CDK5RAP2: variants seen among roughly 807,000 people sequenced by gnomAD.
CDK5RAP2 encodes CDK5 regulatory subunit-associated protein 2.
In CDK5RAP2, 147 loss-of-function variants were observed where a neutral mutation model predicts 232.9. That is an observed-to-expected ratio of 0.63 (90% confidence interval 0.55 to 0.72). The LOEUF (loss-of-function observed/expected upper bound fraction) is 0.72. CDK5RAP2 is among the 30% of genes least tolerant of loss of function. The pLI is 0.00. For synonymous variants in CDK5RAP2, 833 were observed against 833.7 expected (o/e 1.00, Z 0.01); for missense variants, 2,195 against 2,231.5 (o/e 0.98, Z 0.33).
chr9:120,443,911 TA>T (rs1242130162), intron 22 of CDK5RAP2, among the ~76,000 whole-genome samples, 169 bp from the exon 23 acceptor site: 1 of 152,020 alleles, frequency 6.6e-6, no homozygotes, highest in African/African-American at 2.4e-5. Flanking sequence ...TAACAGGACA[TA>T]AAAAGCATAA....
chr9:120,460,839 T>C (rs1376988075), intron 18 of CDK5RAP2, 172 bp from the exon 19 acceptor site: 14 of 1,121,428 alleles, frequency 1.2e-5, no homozygotes, highest in African/African-American at 1.6e-5. Flanking sequence ...AAGGTTAGAG[T>C]TGCTAGTTGT....
intron 1 of CDK5RAP2, among the ~76,000 whole-genome samples, chr9:120,572,756 C>T (rs779280711): frequency 6.6e-5 from 10 of 152,310 alleles, no homozygotes; most frequent in Admixed American, 2.6e-4. Flanking sequence ...AGTACAGCAG[C>T]TACCTCACAG....
chr9:120,424,396 C>A (rs2131390686), intron 25 of CDK5RAP2, among the ~76,000 whole-genome samples: 1 of 152,332 alleles, frequency 6.6e-6, no homozygotes, highest in Non-Finnish European at 1.5e-5. Context: ...CCTCTACAAT[C>A]CTCTTCAAGG....
intron 21 of CDK5RAP2, among the ~76,000 whole-genome samples, chr9:120,453,053 G>C (rs1181470334): frequency 1.3e-5 from 2 of 152,194 alleles, no homozygotes; most frequent in African/African-American, 2.4e-5. Context: ...AATGAAAACT[G>C]TATAAATTTT....
At chr9:120,496,588 C>T (rs2039264078) in intron 12 of CDK5RAP2, among the ~76,000 whole-genome samples, 2 of 150,920 alleles carry the variant, frequency 1.3e-5, no homozygotes, top group African/African-American at 2.4e-5. Flanking sequence ...TCCGGCCAGC[C>T]GCCCCGTCCG....
chr9:120,405,243 G>C (rs2033353686), intron 32 of CDK5RAP2, among the ~76,000 whole-genome samples: 2 of 152,232 alleles, frequency 1.3e-5, no homozygotes, highest in Admixed American at 6.5e-5. Flanking sequence ...ATACAGACCT[G>C]AGAAGTCTTT....
chr9:120,564,489 C>CA (rs375788422), intron 3 of CDK5RAP2, among the ~76,000 whole-genome samples: 4,316 of 37,122 alleles, frequency 0.12, 377 homozygotes, highest in African/African-American at 0.23. Context: ...GACTCTGTCT[C>CA]AAAAAAATAA....
chr9:120,474,344 C>A (rs1037427186), intron 15 of CDK5RAP2, among the ~76,000 whole-genome samples: 3 of 152,136 alleles, frequency 2.0e-5, no homozygotes, highest in Non-Finnish European at 4.4e-5. Flanking sequence ...TTGCCCCCAC[C>A]CGCCAGGGGA....
intron 5 of CDK5RAP2, among the ~76,000 whole-genome samples, chr9:120,545,388 C>T (rs2041799829): frequency 6.6e-6 from 1 of 152,116 alleles, no homozygotes. Flanking sequence ...TGGTAGTTAT[C>T]TTTAGGGGAG....
At chr9:120,451,324 T>C (rs2036467931) in intron 21 of CDK5RAP2, among the ~76,000 whole-genome samples, 1 of 152,186 alleles carries the variant, frequency 6.6e-6, no homozygotes, top group Non-Finnish European at 1.5e-5. Context: ...ACTAGACACT[T>C]GCCAAAGGCT....
intron 3 of CDK5RAP2, among the ~76,000 whole-genome samples, chr9:120,565,410 C>A (rs1002664719): frequency 6.6e-6 from 1 of 152,174 alleles, no homozygotes; most frequent in Non-Finnish European, 1.5e-5. Flanking sequence ...TAGTCACCAG[C>A]CTGGTAAGCT....
At chr9:120,475,819 A>G (rs1410658439) in intron 15 of CDK5RAP2, among the ~76,000 whole-genome samples, 1 of 152,138 alleles carries the variant, frequency 6.6e-6, no homozygotes, top group African/African-American at 2.4e-5. Context: ...CCAAATGCCT[A>G]CTCTGTACCA....
intron 3 of CDK5RAP2, among the ~76,000 whole-genome samples, chr9:120,556,784 A>T (rs1370292078): frequency 6.6e-6 from 1 of 152,166 alleles, no homozygotes; most frequent in Non-Finnish European, 1.5e-5. Context: ...TTTCACATTA[A>T]GTATATTTTG....
intron 15 of CDK5RAP2, among the ~76,000 whole-genome samples, chr9:120,473,416 C>A (rs900612778): frequency 6.6e-6 from 1 of 152,180 alleles, no homozygotes; most frequent in Non-Finnish European, 1.5e-5. Context: ...GGATCAATAG[C>A]CCCCGAATGG....
At position 120,389,140 on chromosome 9, in the gene CDK5RAP2, C is replaced by T; in HGVS notation, c.*96G>A. 2.0e-6 allele frequency: 2 copies of T among 1,023,466 alleles called. No individual in the cohort carries two copies. Among genetic ancestry groups the T allele is most frequent in the South Asian group, 1.4e-5 (1 of 71,682 alleles). The allele number at this position is 1,023,466 out of a possible 1,614,324, so 63.4% of individuals were successfully genotyped here. A position where few individuals can be genotyped will look rare whatever the true frequency, so the allele number is the denominator to read the frequency against. ...AAATAGATTTCCTTTGGCCAGACAGCTCTTTCTTCCTCAATAAATAGGAAC... is the reference window on the plus strand; with the variant it reads ...AAATAGATTTCCTTTGGCCAGACAGTTCTTTCTTCCTCAATAAATAGGAAC... On this transcript the variant is annotated 3_prime_UTR_variant, in exon 38 of 38. Coordinates refer to ENST00000349780, the MANE Select transcript of CDK5RAP2 (RefSeq NM_018249.6).
At chr9:120,553,864 G>A (rs141402925) in intron 3 of CDK5RAP2, among the ~76,000 whole-genome samples, 105 of 152,252 alleles carry the variant, frequency 6.9e-4, no homozygotes, top group African/African-American at 2.4e-3. Context: ...TAGGCTCAAG[G>A]ATTCCTCTCA....
At chr9:120,509,176 C>T (rs1466994537) in intron 12 of CDK5RAP2, among the ~76,000 whole-genome samples, 1 of 152,204 alleles carries the variant, frequency 6.6e-6, no homozygotes, top group Non-Finnish European at 1.5e-5. Context: ...AACAGACAAG[C>T]ACTTTCTTCA....
chr9:120,557,735 G>A (rs1228271894), intron 3 of CDK5RAP2, among the ~76,000 whole-genome samples: 3 of 149,456 alleles, frequency 2.0e-5, no homozygotes, highest in East Asian at 2.0e-4. Context: ...CTCCAGCCTG[G>A]GTGACAGAGT....
intron 24 of CDK5RAP2, among the ~76,000 whole-genome samples, chr9:120,437,853 C>T (rs1362608781): frequency 6.6e-6 from 1 of 152,036 alleles, no homozygotes; most frequent in Non-Finnish European, 1.5e-5. Flanking sequence ...AACAAGTGCC[C>T]CAAGGGTCAG....
Sources: allele counts gnomAD v4.1 joint callset (sites outside exome capture counted in the v4.1 genomes callset), GRCh38; gene constraint gnomAD v4.1.1; transcripts MANE v1.5; gene names NCBI Gene and HGNC (gene_info 2026-07-23, HGNC 2026-07-21).